IL3RA: variants seen among roughly 807,000 people sequenced by gnomAD.
IL3RA encodes interleukin-3 receptor subunit alpha.
A neutral mutation model predicts 52.3 loss-of-function variants in IL3RA; 73 were observed. That is an observed-to-expected ratio of 1.40 (90% CI 1.16 to 1.70). The LOEUF (loss-of-function observed/expected upper bound fraction) is 1.70, where lower values mean the gene tolerates loss of function less well. Ranked by LOEUF, IL3RA falls within the 40% of genes most tolerant of loss-of-function variation. IL3RA has a pLI of 0.00. For synonymous variants in IL3RA, 260 were observed against 194.0 expected, an observed-to-expected ratio of 1.34 and a Z score of -2.83; for missense variants, 664 against 504.4, an observed-to-expected ratio of 1.32 and a Z score of -3.03.
intron 6 of IL3RA, among the ~76,000 whole-genome samples, chrX:1,355,341 A>G: frequency 8.0e-6 from 1 of 124,290 alleles, no homozygotes; most frequent in South Asian, 3.1e-4. Flanking sequence ...AGAGTGGAGG[A>G]GGAGGGTGAC....
intron 11 of IL3RA, among the ~76,000 whole-genome samples, chrX:1,381,482 C>T (rs2089174527): frequency 6.6e-6 from 1 of 151,956 alleles, no homozygotes; most frequent in African/African-American, 2.4e-5. Flanking sequence ...ACACTGGGCT[C>T]CCAGCCCACC....
intron 1 of IL3RA, among the ~76,000 whole-genome samples, chrX:1,337,568 CA>C (rs2085357754): frequency 6.7e-6 from 1 of 149,402 alleles, no homozygotes; most frequent in Non-Finnish European, 1.5e-5. Flanking sequence ...GAATATTACG[CA>C]GCCATGAAAA....
At chrX:1,337,150 G>A (rs1320890761) in intron 1 of IL3RA, among the ~76,000 whole-genome samples, 1 of 152,224 alleles carries the variant, frequency 6.6e-6, no homozygotes, top group African/African-American at 2.4e-5. Flanking sequence ...TGGATCGGAC[G>A]CTGAAGCCAT....
chrX:1,382,394 G>T lies in IL3RA; in HGVS notation c.1066G>T (p.Val356Phe). The T allele has an allele frequency of 6.2e-7, 1 of 1,613,760 alleles. No homozygotes were observed. The highest frequency in any genetic ancestry group is 8.5e-7 in the Non-Finnish European group (1 of 1,179,728). Residue 356 changes from valine (V) to phenylalanine (F), a missense_variant, in exon 12 of 12, where the codon GTC becomes TTC. Physicochemically the swap from Val to Phe is conservative, Grantham distance 50. Coordinates refer to ENST00000331035, the MANE Select transcript of IL3RA (RefSeq NM_002183.4). ...CTGCCTCCTCTCGTCTCTGCAGGTGGTCTGGGAGGCGGGCAAAGCCGGCCT... is the reference window on the plus strand; with the variant it reads ...CTGCCTCCTCTCGTCTCTGCAGGTGTTCTGGGAGGCGGGCAAAGCCGGCCT... ...GDSFQNDKLV[V>F]WEAGKAGLEE...
At chrX:1,363,463 G>A (rs1406484485) in intron 8 of IL3RA, among the ~76,000 whole-genome samples, 2 of 151,746 alleles carry the variant, frequency 1.3e-5, no homozygotes, top group South Asian at 4.2e-4. Context: ...ACCGGGCCCG[G>A]CTAATTTTTT....
At chrX:1,379,249 G>A (rs1340626144) in intron 10 of IL3RA, among the ~76,000 whole-genome samples, 146 of 152,094 alleles carry the variant, frequency 9.6e-4, no homozygotes, top group African/African-American at 3.4e-3. Flanking sequence ...TCCACCTCCC[G>A]GGTTCAAGTG....
intron 8 of IL3RA, among the ~76,000 whole-genome samples, chrX:1,364,789 CTTTT>C (rs1569525883): frequency 7.0e-6 from 1 of 143,348 alleles, no homozygotes; most frequent in Non-Finnish European, 1.5e-5. Context: ...CTCTTTTCTT[CTTTT>C]ATTTATTTAT....
intron 4 of IL3RA, 151 bp downstream of exon 4, chrX:1,348,696 C>CTTTCTG (rs2085922648): frequency 2.9e-6 from 1 of 342,662 alleles, no homozygotes; most frequent in African/African-American, 3.6e-5. Flanking sequence ...CTTTCTTTTT[C>CTTTCTG]TTTCTTTCTG....
Position 1,358,745 on chromosome X carries a change from T to A in IL3RA, c.733-116T>A, listed in dbSNP as rs58020150. 11 of 1,101,282 alleles carry A rather than the reference T, an allele frequency of 1.0e-5. No homozygotes were observed. The East Asian group carries it at 2.7e-4, about 27-fold the overall frequency. The allele number at this position is 1,101,282 out of a possible 1,614,324, so 68.2% of individuals were successfully genotyped here. A position where few individuals can be genotyped will look rare whatever the true frequency, so the allele number is the denominator to read the frequency against. On this transcript the variant is annotated intron_variant, in intron 7 of 11. Transcript: ENST00000331035. ...TGCCCCCACTGCTGCCCGAAGGCCTTCCCAGAGCCCTCACTGTTTTGCTGG... is the reference window on the plus strand; with the variant it reads ...TGCCCCCACTGCTGCCCGAAGGCCTACCCAGAGCCCTCACTGTTTTGCTGG...
intron 2 of IL3RA, among the ~76,000 whole-genome samples, 167 bp from the exon 3 acceptor site, chrX:1,345,149 C>T (rs1231755715): frequency 6.8e-6 from 1 of 146,902 alleles, no homozygotes; most frequent in East Asian, 2.0e-4. Flanking sequence ...GCCAGGGCGA[C>T]AAGAGTGAAA....
intron 9 of IL3RA, among the ~76,000 whole-genome samples, chrX:1,365,590 G>C (rs867578300): frequency 3.4e-5 from 1 of 29,402 alleles, no homozygotes; most frequent in African/African-American, 4.8e-4. Flanking sequence ...AGCCGGGTGC[G>C]CGGGGTGAGC....
At chrX:1,348,195 C>G (rs1603443470) in intron 3 of IL3RA, among the ~76,000 whole-genome samples, 1 of 138,368 alleles carries the variant, frequency 7.2e-6, no homozygotes, top group Middle Eastern at 4.5e-3. Flanking sequence ...CAGAAAAATA[C>G]TTTAAAAATT....
intron 8 of IL3RA, 45 bp downstream of exon 8, chrX:1,358,932 G>T: frequency 1.3e-6 from 2 of 1,509,836 alleles, no homozygotes; most frequent in Non-Finnish European, 1.8e-6. Flanking sequence ...CATTGCAAAG[G>T]GTGAGTTTTA....
rs1457477312 is a variant in IL3RA, at chrX:1,345,445, C to T, written c.183+11C>T. The stretch of plus-strand genomic sequence containing the variant: ...GACTATTCTATGCCGGTAAATCATA[C>T]TCTCTATTGTTTTTTTATTTTTATT... On this transcript the variant is annotated intron_variant, in intron 3 of 11. Transcript: ENST00000331035. The T allele has an allele frequency of 4.8e-6, 7 of 1,469,666 alleles. No individual in the cohort carries two copies. In the African/African-American group the frequency reaches 5.7e-5, roughly 12 times the overall value. 91.0% of individuals were successfully genotyped at this position (1,469,666 alleles called of 1,614,324 possible).
intron 6 of IL3RA, among the ~76,000 whole-genome samples, chrX:1,353,557 TC>T (rs2086303651): frequency 7.0e-6 from 1 of 143,140 alleles, no homozygotes; most frequent in South Asian, 2.2e-4. Context: ...GGTCATAGGA[TC>T]CCCCATCATA....
intron 1 of IL3RA, among the ~76,000 whole-genome samples, chrX:1,339,560 A>G (rs759927220): frequency 4.6e-5 from 7 of 152,190 alleles, no homozygotes; most frequent in Non-Finnish European, 8.8e-5. Flanking sequence ...TTGGGAGGCC[A>G]AGGCGGGTGG....
At chrX:1,352,646 C>A in intron 6 of IL3RA, 140 bp downstream of exon 6, 1 of 922,066 alleles carries the variant, frequency 1.1e-6, no homozygotes, top group Non-Finnish European at 1.6e-6. Flanking sequence ...CGTTGGAGGT[C>A]AGCGTGCTGG....
At chrX:1,343,115 T>C in intron 2 of IL3RA, among the ~76,000 whole-genome samples, 1 of 151,972 alleles carries the variant, frequency 6.6e-6, no homozygotes, top group East Asian at 2.0e-4. Context: ...ATAAGAATTT[T>C]TTTCCCCAGA....
At chrX:1,348,700 C>CTG (rs1265260262) in intron 4 of IL3RA, among the ~76,000 whole-genome samples, 155 bp downstream of exon 4, 30,845 of 97,918 alleles carry the variant, frequency 0.32, 4,648 homozygotes, top group Middle Eastern at 0.4. Flanking sequence ...CTTTTTCTTT[C>CTG]TTTCTGTTTC....
Sources: gnomAD v4.1 joint callset for allele counts (sites outside exome capture counted in the v4.1 genomes callset) on GRCh38, gnomAD v4.1.1 for gene constraint, MANE v1.5 for transcripts, NCBI Gene and HGNC (gene_info 2026-07-23, HGNC 2026-07-21) for gene names.